Variants in GLI2 observed in about 807,000 individuals in gnomAD.
GLI2 encodes the protein GLI family zinc finger 2, also known as transcription activator GLI2.
Under a neutral mutation model 78.9 loss-of-function variants are expected in GLI2, and 22 were observed. That is an observed-to-expected ratio of 0.28 (90% CI 0.20 to 0.40). The LOEUF is 0.40. Ranked by LOEUF, GLI2 falls within the 10% of genes least tolerant of loss-of-function variation. GLI2 has a pLI of 1.00. For synonymous variants in GLI2, 974 were observed against 963.7 expected (o/e 1.01, Z -0.20); for missense variants, 2,097 against 2,213.2 (o/e 0.95, Z 1.05).
chr2:120,909,598 G>C (rs562278828), intron 2 of GLI2, among the ~76,000 whole-genome samples: 131 of 152,302 alleles, frequency 8.6e-4, no homozygotes, highest in African/African-American at 3.1e-3. Flanking sequence ...GGGCGTGGTG[G>C]CTCACACCTG....
intron 9 of GLI2, 101 bp from the exon 10 acceptor site, chr2:120,978,332 GA>G: frequency 7.7e-7 from 1 of 1,297,842 alleles, no homozygotes; most frequent in Non-Finnish European, 1.1e-6. Context: ...ACAGGTCGGG[GA>G]GGGCTGGGGG....
intron 1 of GLI2, among the ~76,000 whole-genome samples, chr2:120,773,774 G>A (rs890917392): frequency 7.9e-5 from 12 of 152,128 alleles, no homozygotes; most frequent in Admixed American, 4.6e-4. Flanking sequence ...AATGAGCTCA[G>A]CCAGGCCGCT....
At chr2:120,864,138 C>T (rs541395427) in intron 2 of GLI2, among the ~76,000 whole-genome samples, 3 of 152,192 alleles carry the variant, frequency 2.0e-5, no homozygotes, top group East Asian at 1.9e-4. Context: ...TGTGAGGGCC[C>T]GTGTGGGGAC....
At position 120,976,337 on chromosome 2, in the gene GLI2, T is replaced by C. The variant is rs1044771442; in HGVS notation, c.1317+1228T>C. Among the ~76,000 whole-genome samples, 15 of 152,248 alleles carry C rather than the reference T, an allele frequency of 9.9e-5. No homozygotes were observed. In the East Asian group the frequency reaches 2.9e-3, roughly 29 times the overall value. ...TTATGCAACTTGCTCACAAATACCG[T>C]AGGTTTCTTTTGTGTTGGAGTTTGT... On this transcript the variant is annotated intron_variant, in intron 9 of 13. Transcript: ENST00000361492.
rs975227486 is a variant in GLI2, at chr2:120,990,822, G to T, written c.*147G>T. The T allele has an allele frequency of 1.6e-6, 1 of 630,192 alleles. No individual in the cohort carries two copies. Among genetic ancestry groups the T allele is most frequent in the African/African-American group, 1.8e-5 (1 of 54,624 alleles). 39.0% of individuals were successfully genotyped at this position (630,192 alleles called of 1,614,324 possible). A position where few individuals can be genotyped will look rare whatever the true frequency, so the allele number is the denominator to read the frequency against. Reference sequence around the variant, plus strand: ...ATGGCCGCTTCAGATGACAGATGTTGTAAGAGAAGGTTTATGGGCATCCTC... The same window carrying T: ...ATGGCCGCTTCAGATGACAGATGTTTTAAGAGAAGGTTTATGGGCATCCTC... On this transcript the variant is annotated 3_prime_UTR_variant, in exon 14 of 14. Coordinates refer to ENST00000361492, the MANE Select transcript of GLI2 (RefSeq NM_001374353.1).
intron 2 of GLI2, among the ~76,000 whole-genome samples, chr2:120,899,378 C>G (rs575352008): frequency 1.9e-4 from 29 of 151,224 alleles, no homozygotes; most frequent in African/African-American, 6.9e-4. Flanking sequence ...CTTTTTCTCT[C>G]TCATACACAC....
chr2:120,863,038 T>C (rs1687973644), intron 2 of GLI2, among the ~76,000 whole-genome samples: 1 of 152,226 alleles, frequency 6.6e-6, no homozygotes, highest in Non-Finnish European at 1.5e-5. Flanking sequence ...CAACATCTGC[T>C]TCATAGGCCT....
At position 120,735,899 on chromosome 2, in the gene GLI2, C is replaced by T. The variant is rs959444106; in HGVS notation, c.-417C>T. 1.3e-5 allele frequency among the ~76,000 whole-genome samples: 2 copies of T among 151,978 alleles called. No individual in the cohort carries two copies. The highest frequency in any genetic ancestry group is 4.8e-5 in the African/African-American group (2 of 41,400). The stretch of plus-strand genomic sequence containing the variant: ...GGATTGCAGAAGTGCCGGCGCTTGC[C>T]AGCCGAGGCAGCACGGCTCCGCGGA... On this transcript the variant is annotated 5_prime_UTR_variant, in exon 1 of 14. It introduces an in-frame stop codon into an upstream open reading frame of the 5' UTR. Transcript: ENST00000361492.
chr2:120,814,203 C>T (rs538632967), intron 2 of GLI2, among the ~76,000 whole-genome samples: 36 of 152,276 alleles, frequency 2.4e-4, no homozygotes, highest in Non-Finnish European at 3.7e-4. Flanking sequence ...CAGTTAACCA[C>T]GGTGCTGGTG....
intron 10 of GLI2, among the ~76,000 whole-genome samples, chr2:120,979,137 C>T (rs1682600507): frequency 6.6e-6 from 1 of 152,100 alleles, no homozygotes; most frequent in Non-Finnish European, 1.5e-5. Flanking sequence ...GCCACCAACC[C>T]AGCTAATTTT....
intron 2 of GLI2, among the ~76,000 whole-genome samples, chr2:120,894,837 T>A (rs1296549117): frequency 6.6e-6 from 1 of 152,224 alleles, no homozygotes; most frequent in Non-Finnish European, 1.5e-5. Flanking sequence ...TAGCTGGGAC[T>A]ACAGGCGCCT....
At chr2:120,921,145 C>T (rs926889203) in intron 2 of GLI2, among the ~76,000 whole-genome samples, 13 of 152,158 alleles carry the variant, frequency 8.5e-5, no homozygotes, top group African/African-American at 2.9e-4. Flanking sequence ...GGCTGTGGGA[C>T]AATCCGTGCT....
chr2:120,785,501 A>T (rs1464376741), intron 1 of GLI2, among the ~76,000 whole-genome samples: 1 of 152,118 alleles, frequency 6.6e-6, no homozygotes, highest in Admixed American at 6.5e-5. Flanking sequence ...GCAGCTGGGC[A>T]AGTTGGAGCA....
chr2:120,875,306 G>GA (rs2104690585), intron 2 of GLI2, among the ~76,000 whole-genome samples: 1 of 152,350 alleles, frequency 6.6e-6, no homozygotes, highest in Admixed American at 6.5e-5. Context: ...TGGAAAAGTG[G>GA]ACCACATCTA....
chr2:120,912,293 A>G (rs1388234438), intron 2 of GLI2, among the ~76,000 whole-genome samples: 2 of 105,272 alleles, frequency 1.9e-5, no homozygotes, highest in Admixed American at 8.9e-5. Flanking sequence ...TTTTTTTTTG[A>G]TGTCAGGAAG....
At chr2:120,958,752 C>T (rs1052935669) in intron 5 of GLI2, among the ~76,000 whole-genome samples, 2 of 152,170 alleles carry the variant, frequency 1.3e-5, no homozygotes, top group African/African-American at 4.8e-5. Flanking sequence ...GTGCACGGTG[C>T]GCTAGGCCTT....
intron 1 of GLI2, among the ~76,000 whole-genome samples, chr2:120,794,603 G>A (rs914345133): frequency 2.6e-5 from 4 of 152,164 alleles, no homozygotes; most frequent in East Asian, 3.9e-4. Context: ...GGGGTGTGGG[G>A]TGAAGTGATG....
chr2:120,942,755 G>A (rs192872855), intron 3 of GLI2, among the ~76,000 whole-genome samples: 1 of 152,320 alleles, frequency 6.6e-6, no homozygotes, highest in African/African-American at 2.4e-5. Flanking sequence ...GTCTTCTGCA[G>A]TAGTGTCTGT....
At chr2:120,816,343 G>A (rs988037218) in intron 2 of GLI2, among the ~76,000 whole-genome samples, 5 of 151,932 alleles carry the variant, frequency 3.3e-5, no homozygotes, top group Non-Finnish European at 5.9e-5. Flanking sequence ...TTACAGGTGC[G>A]TGCCATCATG....
Sources: gnomAD v4.1 joint callset for allele counts (sites outside exome capture counted in the v4.1 genomes callset) on GRCh38, gnomAD v4.1.1 for gene constraint, MANE v1.5 for transcripts, NCBI Gene and HGNC (gene_info 2026-07-23, HGNC 2026-07-21) for gene names.